The following RAI1 variants were observed in gnomAD, a reference collection of about 807,000 sequenced individuals.
RAI1 encodes the protein retinoic acid-induced protein 1.
A neutral mutation model predicts 123.8 loss-of-function variants in RAI1; 9 were observed. The observed-to-expected ratio is 0.07, with a 90% CI of 0.04 to 0.13. The LOEUF (loss-of-function observed/expected upper bound fraction) is 0.13. Ranked by LOEUF, RAI1 falls within the 10% of genes least tolerant of loss-of-function variation. RAI1 has a pLI of 1.00. For missense variants in RAI1, 2,256 were observed against 2,545.8 expected, an observed-to-expected ratio of 0.89 and a Z score of 2.45; for synonymous variants, 1,231 against 1,127.3, an observed-to-expected ratio of 1.09 and a Z score of -1.84.
rs769206474 is a variant in RAI1, at chr17:17,793,341, G to T, written c.393G>T (p.Pro131=). 2 of 1,612,288 alleles carry T rather than the reference G, an allele frequency of 1.2e-6. No homozygotes were observed. The highest frequency in any genetic ancestry group is 8.5e-7 in the Non-Finnish European group (1 of 1,179,778). The change falls in exon 3 of 6, where the codon CCG becomes CCT. Residue 131 remains proline, a synonymous_variant. Transcript: ENST00000353383. ...WGAPQPPPPQ[P]QPLPAGVAKY... ...CCCCACAGCCACCACCCCCACAGCC[G>T]CAGCCACTACCTGCAGGGGTGGCCA...
In RAI1 at chr17:17,695,521, TTCTC is replaced by T. The variant is rs543565255; in HGVS notation, c.-149+13736_-149+13739del. On this transcript the variant is annotated intron_variant, in intron 1 of 5. Coordinates refer to ENST00000353383, the MANE Select transcript of RAI1 (RefSeq NM_030665.4). ...ACAGCCGCCTTCTTTCCCCTGGTCT[TTCTC>T]TCTCTCTTTTTTTTTTTTTGAGCTA... 9.6e-5 allele frequency among the ~76,000 whole-genome samples: 14 copies of T among 145,186 alleles called. No homozygotes were observed. In the East Asian group the frequency reaches 9.7e-4, roughly 10 times the overall value.
rs374744944 is a variant in RAI1, at chr17:17,794,577, C to G, written c.1629C>G (p.Asn543Lys). 3 of 1,613,246 alleles carry G rather than the reference C, an allele frequency of 1.9e-6. No individual in the cohort carries two copies. Among genetic ancestry groups the G allele is most frequent in the South Asian group, 2.2e-5 (2 of 91,088 alleles). The part of the protein sequence containing the change: ...NQARGSPARV[N>K]SNSKAKPESV... ...CCCGTGGCAGCCCTGCCAGGGTCAA[C>G]AGCAACTCGAAGGCCAAGCCCGAGT... The change falls in exon 3 of 6, where the codon AAC (asparagine) becomes AAG (lysine). Residue 543 changes from asparagine (N) to lysine (K), a missense_variant. By Grantham distance (94) the Asn-to-Lys change is moderately conservative. Transcript: ENST00000353383.
Position 17,809,495 on chromosome 17 carries a change from A to T in RAI1, c.5709+56A>T, listed in dbSNP as rs370254736. The T allele has an allele frequency of 1.3e-4, 190 of 1,506,432 alleles. 1 individual carries two copies. The highest frequency in any genetic ancestry group is 1.7e-4 in the Non-Finnish European group (183 of 1,084,464). 93.3% of individuals were successfully genotyped at this position (1,506,432 alleles called of 1,614,324 possible). On this transcript the variant is annotated intron_variant, in intron 5 of 5. Transcript: ENST00000353383. This position sits in a 1 kb window ranked among gnomAD's most constrained non-coding sequence, Gnocchi z 4.9. Reference sequence around the variant, plus strand: ...GGGTGTCAAGCGGGAGAGGAGCCCCACCTCGCACCTCCTTCACAGTCCCCT... The same window carrying T: ...GGGTGTCAAGCGGGAGAGGAGCCCCTCCTCGCACCTCCTTCACAGTCCCCT...
At chr17:17,789,749 A>C (rs897526687) in intron 2 of RAI1, among the ~76,000 whole-genome samples, 5 of 152,188 alleles carry the variant, frequency 3.3e-5, no homozygotes, top group Non-Finnish European at 5.9e-5. Context: ...CCTGCCTTCT[A>C]GTTTCAGCAA....
chr17:17,732,490 C>T (rs937770859), intron 2 of RAI1, among the ~76,000 whole-genome samples: 73 of 152,140 alleles, frequency 4.8e-4, no homozygotes, highest in Non-Finnish European at 1.5e-4. Context: ...AGGCAGGTGA[C>T]GTCCTTCCTT....
intron 1 of RAI1, among the ~76,000 whole-genome samples, chr17:17,711,242 G>A (rs758898032): frequency 2.6e-5 from 4 of 152,176 alleles, no homozygotes; most frequent in African/African-American, 9.7e-5. Flanking sequence ...GTCCCTCCTC[G>A]ACAGAAACAC....
chr17:17,733,957 T>C (rs1280879875), intron 2 of RAI1, among the ~76,000 whole-genome samples: 2 of 152,192 alleles, frequency 1.3e-5, no homozygotes, highest in Non-Finnish European at 2.9e-5. Flanking sequence ...TCTTGGGCCC[T>C]GGGACCACGT....
intron 2 of RAI1, among the ~76,000 whole-genome samples, chr17:17,786,127 C>G (rs1014174692): frequency 1.3e-5 from 2 of 152,194 alleles, no homozygotes; most frequent in South Asian, 4.1e-4. Context: ...CCCTCCCCCC[C>G]CACTTTATTT....
chr17:17,683,882 T>C (rs1254015067), intron 1 of RAI1: 1 of 152,204 alleles, frequency 6.6e-6, no homozygotes, highest in Admixed American at 6.5e-5. Flanking sequence ...CTCCTCTTTG[T>C]TTTATTTTTG....
At position 17,811,038 on chromosome 17, in the gene RAI1, C is replaced by A. The variant is rs550233963; in HGVS notation, c.*1057C>A. On this transcript the variant is annotated 3_prime_UTR_variant, in exon 6 of 6. Transcript: ENST00000353383. ...TTTGCCGGGTAAGGGGCTACCGCGA[C>A]GCCACTTGTCCACGCAGCCACCACC... 12 of 314,248 alleles carry A rather than the reference C, an allele frequency of 3.8e-5. No homozygotes were observed. Among genetic ancestry groups the A allele is most frequent in the African/African-American group, 2.5e-4 (11 of 44,326 alleles). The allele number at this position is 314,248 out of a possible 1,614,324, so 19.5% of individuals were successfully genotyped here.
At chr17:17,783,784 CG>C (rs975568678) in intron 2 of RAI1, among the ~76,000 whole-genome samples, 11 of 151,886 alleles carry the variant, frequency 7.2e-5, no homozygotes, top group Admixed American at 4.6e-4. Flanking sequence ...AGGCGGGGGG[CG>C]GGGGCGGAAA....
In RAI1 at chr17:17,726,097, G is replaced by A. The variant is rs118074020; in HGVS notation, c.-17+1938G>A. Among the ~76,000 whole-genome samples, 403 of 152,296 alleles carry A rather than the reference G, an allele frequency of 2.6e-3. 1 individual carries two copies. The highest frequency in any genetic ancestry group is 3.8e-3 in the Non-Finnish European group (256 of 68,022). ...GGGTGGTGCCTTGTTCAGGGACCTTGTGGGAGGCGGAAATGAGAGCCCAGA... is the reference window on the plus strand; with the variant it reads ...GGGTGGTGCCTTGTTCAGGGACCTTATGGGAGGCGGAAATGAGAGCCCAGA... On this transcript the variant is annotated intron_variant, in intron 2 of 5. Transcript: ENST00000353383.
intron 2 of RAI1, among the ~76,000 whole-genome samples, chr17:17,738,090 G>A (rs1026243566): frequency 1.3e-5 from 2 of 152,076 alleles, no homozygotes; most frequent in African/African-American, 2.4e-5. Flanking sequence ...GGTCAAGGGG[G>A]CCAGTATGGC....
chr17:17,730,647 T>A (rs1916238892), intron 2 of RAI1, among the ~76,000 whole-genome samples: 1 of 152,228 alleles, frequency 6.6e-6, no homozygotes, highest in Non-Finnish European at 1.5e-5. Context: ...ACTGTGACCA[T>A]CCTGCAATAC....
Position 17,681,716 on chromosome 17 carries a change from C to G in RAI1, c.-226C>G, listed in dbSNP as rs1914420438. The G allele has an allele frequency of 3.1e-6, 1 of 318,102 alleles. No individual in the cohort carries two copies. Among genetic ancestry groups the G allele is most frequent in the South Asian group, 1.4e-4 (1 of 7,244 alleles). The allele number at this position is 318,102 out of a possible 1,614,324, so 19.7% of individuals were successfully genotyped here. On this transcript the variant is annotated 5_prime_UTR_variant, in exon 1 of 6. Coordinates refer to ENST00000353383, the MANE Select transcript of RAI1 (RefSeq NM_030665.4). ...GCCGGCCGGGCCGCCGCGCCCCGAC[C>G]CCCATGGCCACCCAGGCCTCCGGGC...
intron 1 of RAI1, among the ~76,000 whole-genome samples, chr17:17,713,785 A>C (rs1015431233): frequency 1.2e-4 from 18 of 152,250 alleles, no homozygotes; most frequent in African/African-American, 4.1e-4. Flanking sequence ...ATTTCTCTCT[A>C]AAATCATAAA....
In RAI1 at chr17:17,688,223, G is replaced by A. The variant is rs111751036; in HGVS notation, c.-149+6430G>A. 6.1e-3 allele frequency among the ~76,000 whole-genome samples: 919 copies of A among 151,822 alleles called. 12 individuals are homozygous for A. Among genetic ancestry groups the A allele is most frequent in the East Asian group, 0.024 (123 of 5,108 alleles). On this transcript the variant is annotated intron_variant, in intron 1 of 5. Transcript: ENST00000353383. ...TAATAGGCAGGGCGCGGTGGCTTAC[G>A]TCTATAATCCCAGCACTTTGGGAGG...
chr17:17,751,407 G>A (rs1338671899), intron 2 of RAI1, among the ~76,000 whole-genome samples: 1 of 152,240 alleles, frequency 6.6e-6, no homozygotes, highest in Admixed American at 6.5e-5. Context: ...CTAAGTCTGA[G>A]ATCCTTCCGA....
chr17:17,798,027 G>T lies in RAI1; in HGVS notation c.5079G>T (p.Pro1693=). 6.2e-7 allele frequency: 1 copy of T among 1,614,058 alleles called. No homozygotes were observed. Among genetic ancestry groups the T allele is most frequent in the Non-Finnish European group, 8.5e-7 (1 of 1,180,030 alleles). Reference sequence around the variant, plus strand: ...TTGTTTGCTGCCTCTGCCAAAACCCGGCCAACTTCAAGGACCTTGGGGACC... The same window carrying T: ...TTGTTTGCTGCCTCTGCCAAAACCCTGCCAACTTCAAGGACCTTGGGGACC... ...SCLVCCLCQN[P]ANFKDLGDLC... Residue 1693 remains proline (P), a synonymous_variant, in exon 3 of 6, where the codon CCG becomes CCT. Coordinates refer to ENST00000353383, the MANE Select transcript of RAI1 (RefSeq NM_030665.4).
Sources: gnomAD v4.1 joint callset for allele counts (sites outside exome capture counted in the v4.1 genomes callset) on GRCh38, gnomAD v4.1.1 for gene constraint, Gnocchi (gnomAD v3.1) non-coding constraint, MANE v1.5 for transcripts, NCBI Gene and HGNC (gene_info 2026-07-23, HGNC 2026-07-21) for gene names.